Variants in BIRC6 observed in about 807,000 individuals in gnomAD.
BIRC6 encodes the protein dual E2 ubiquitin-conjugating enzyme/E3 ubiquitin-protein ligase BIRC6.
BIRC6 carries 98 observed loss-of-function variants against 503.3 expected under a neutral mutation model. The observed-to-expected ratio is 0.19, with a 90% CI of 0.17 to 0.23. BIRC6 has a LOEUF of 0.23. BIRC6 is among the 10% of genes least tolerant of loss of function. BIRC6 has a pLI of 1.00. For missense variants in BIRC6, 5,360 were observed against 5,806.0 expected (o/e 0.92, Z 2.50); for synonymous variants, 2,240 against 2,078.7 (o/e 1.08, Z -2.11).
intron 17 of BIRC6, 84 bp from the exon 18 acceptor site, chr2:32,441,981 A>T: frequency 9.9e-7 from 1 of 1,009,258 alleles, no homozygotes; most frequent in Non-Finnish European, 1.4e-6. Flanking sequence ...AATTAAAATT[A>T]AACATTGCCT....
chr2:32,362,316 T>TTG (rs1423934000), intron 1 of BIRC6, among the ~76,000 whole-genome samples: 9 of 151,536 alleles, frequency 5.9e-5, no homozygotes, highest in African/African-American at 1.9e-4. Context: ...TTTGCTGACT[T>TTG]TGTTTTTTTT....
intron 41 of BIRC6, 23 bp from the exon 42 acceptor site, chr2:32,488,565 T>C: frequency 1.3e-6 from 2 of 1,503,950 alleles, no homozygotes; most frequent in Non-Finnish European, 1.8e-6. Flanking sequence ...ATTTTTCTCC[T>C]GTTGATTTTC....
chr2:32,359,161 A>G (rs1396057030), intron 1 of BIRC6, among the ~76,000 whole-genome samples: 3 of 152,186 alleles, frequency 2.0e-5, no homozygotes, highest in Non-Finnish European at 4.4e-5. Context: ...TCCTTTTCAT[A>G]TATGTCTACA....
In BIRC6 at chr2:32,388,828, A is replaced by G; in HGVS notation, c.724A>G (p.Ile242Val). Residue 242 changes from isoleucine (I) to valine (V), a missense_variant, in exon 4 of 74, where the codon ATA (isoleucine) becomes GTA (valine). Ile to Val is a conservative substitution (Grantham distance 29, BLOSUM62 3). Coordinates refer to ENST00000421745, the MANE Select transcript of BIRC6 (RefSeq NM_016252.4). ...ASAIVNELKKINQNVAALPVA... is the reference protein window; with the variant it reads ...ASAIVNELKKVNQNVAALPVA... ...TGCCATTGTAAATGAACTCAAGAAAATAAATCAAAATGTTGCTGCCTTACC... is the reference window on the plus strand; with the variant it reads ...TGCCATTGTAAATGAACTCAAGAAAGTAAATCAAAATGTTGCTGCCTTACC... 1 of 1,613,490 alleles carries G rather than the reference A, an allele frequency of 6.2e-7. No homozygotes were observed. The highest frequency in any genetic ancestry group is 8.5e-7 in the Non-Finnish European group (1 of 1,179,626).
chr2:32,503,199 T>C lies in BIRC6; in HGVS notation c.9462T>C (p.Pro3154=). The change falls in exon 49 of 74, where the codon CCT becomes CCC. Residue 3154 remains proline, a synonymous_variant. Transcript: ENST00000421745. The part of the protein sequence containing the change: ...TLKTRILASE[P]DNAEGIHNFA... The stretch of plus-strand genomic sequence containing the variant: ...AAACAAGAATACTAGCTTCTGAGCC[T>C]GACAATGCTGAAGGGATTCATAACT... 1.2e-6 allele frequency: 2 copies of C among 1,612,276 alleles called. No homozygotes were observed. Among genetic ancestry groups the C allele is most frequent in the Admixed American group, 1.7e-5 (1 of 59,562 alleles).
intron 65 of BIRC6, among the ~76,000 whole-genome samples, chr2:32,568,051 G>C (rs2059650471): frequency 6.6e-6 from 1 of 152,200 alleles, no homozygotes; most frequent in African/African-American, 2.4e-5. Flanking sequence ...GGTGGAGCTT[G>C]CAGTGAGTCA....
intron 24 of BIRC6, among the ~76,000 whole-genome samples, chr2:32,463,646 T>A (rs1054734984): frequency 2.6e-5 from 4 of 152,190 alleles, no homozygotes; most frequent in African/African-American, 9.6e-5. Context: ...ACACACTCGA[T>A]CAAAGAATAT....
chr2:32,461,665 T>C (rs1332809777), intron 23 of BIRC6, among the ~76,000 whole-genome samples: 2 of 152,020 alleles, frequency 1.3e-5, no homozygotes, highest in African/African-American at 4.8e-5. Flanking sequence ...TATTGTTTAT[T>C]TTAGCTTATT....
intron 43 of BIRC6, among the ~76,000 whole-genome samples, chr2:32,490,529 T>A (rs1200963063): frequency 5.3e-5 from 8 of 152,186 alleles, no homozygotes; most frequent in Non-Finnish European, 8.8e-5. Context: ...AGTGAGACTC[T>A]GTCTCCAATA....
At chr2:32,390,353 G>T (rs1208479225) in intron 4 of BIRC6, among the ~76,000 whole-genome samples, 3 of 151,718 alleles carry the variant, frequency 2.0e-5, no homozygotes, top group Non-Finnish European at 2.9e-5. Context: ...TGTATTTTTA[G>T]TACAGGTGGG....
At chr2:32,387,223 G>A (rs2038591771) in intron 3 of BIRC6, among the ~76,000 whole-genome samples, 1 of 151,978 alleles carries the variant, frequency 6.6e-6, no homozygotes, top group Non-Finnish European at 1.5e-5. Flanking sequence ...CCTTTCTCAA[G>A]GGGAGTCATC....
rs2062682080 is a variant in BIRC6 at position 32,609,205 on chromosome 2, A to G, written c.14259+1562A>G. On this transcript the variant is annotated intron_variant, in intron 72 of 73. Coordinates refer to ENST00000421745, the MANE Select transcript of BIRC6 (RefSeq NM_016252.4). ...GGCCACGTTTCCTTTTCTTTAGGAAAAAAATTGGATGATATGAGTTTCCAA... is the reference window on the plus strand; with the variant it reads ...GGCCACGTTTCCTTTTCTTTAGGAAGAAAATTGGATGATATGAGTTTCCAA... 2.0e-5 allele frequency among the ~76,000 whole-genome samples: 3 copies of G among 152,038 alleles called. No homozygotes were observed. In the South Asian group the frequency reaches 6.2e-4, roughly 32 times the overall value.
Position 32,415,449 on chromosome 2 carries a change from T to C in BIRC6, c.2158T>C (p.Leu720=). Residue 720 remains leucine, a synonymous_variant, in exon 10 of 74, where the codon TTG becomes CTG. Coordinates refer to ENST00000421745, the MANE Select transcript of BIRC6 (RefSeq NM_016252.4). The part of the protein sequence containing the change: ...FPKPGTLVQC[L]RLPKFAEEEN... ...CAAGCCTGGGACTTTGGTTCAGTGC[T>C]TGAGGCTGCCAAAGTTTGCAGAGGA... The C allele has an allele frequency of 6.2e-7, 1 of 1,614,038 alleles. No homozygotes were observed. Among genetic ancestry groups the C allele is most frequent in the Non-Finnish European group, 8.5e-7 (1 of 1,179,904 alleles).
chr2:32,453,212 G>GT (rs1212256132), intron 22 of BIRC6, among the ~76,000 whole-genome samples: 4 of 152,040 alleles, frequency 2.6e-5, no homozygotes, highest in African/African-American at 9.7e-5. Flanking sequence ...TGGCTACATG[G>GT]TTTTTTCTTT....
intron 65 of BIRC6, among the ~76,000 whole-genome samples, chr2:32,569,070 A>G (rs1573072776): frequency 6.7e-6 from 1 of 149,918 alleles, no homozygotes; most frequent in Non-Finnish European, 1.5e-5. Context: ...GCTCACTGCA[A>G]CCTCTGCCTC....
At chr2:32,391,251 T>C (rs1024352419) in intron 4 of BIRC6, among the ~76,000 whole-genome samples, 5 of 152,218 alleles carry the variant, frequency 3.3e-5, no homozygotes, top group African/African-American at 1.2e-4. Flanking sequence ...TCCTAAAATA[T>C]TAATTTTGAT....
intron 1 of BIRC6, among the ~76,000 whole-genome samples, chr2:32,369,226 C>G (rs2035420755): frequency 6.6e-6 from 1 of 152,068 alleles, no homozygotes; most frequent in African/African-American, 2.4e-5. Flanking sequence ...AAAATGTAGG[C>G]TCTATAAGGA....
At chr2:32,483,099 G>A (rs914364436) in intron 39 of BIRC6, among the ~76,000 whole-genome samples, 6 of 1,348 alleles carry the variant, frequency 4.5e-3, no homozygotes, top group Admixed American at 0.031. Context: ...TGTATTTTTA[G>A]TAGAGACAGG....
rs758919928 is a variant in BIRC6 at position 32,500,606 on chromosome 2, G to GTTTTTTTT, written c.9031+507_9031+514dup. Among the ~76,000 whole-genome samples the GTTTTTTTT allele has an allele frequency of 1.3e-4, 15 of 118,286 alleles. 1 individual carries two copies. The highest frequency in any genetic ancestry group is 2.4e-4 in the East Asian group (1 of 4,098). 77.6% of individuals were successfully genotyped at this position (118,286 alleles called of 152,430 possible). Reference sequence around the variant, plus strand: ...CTGCTAGTTTTTTGTTTTTGTTTTTGTTTTTTTTTTTTTTTTTGAGATGAA... The same window carrying GTTTTTTTT: ...CTGCTAGTTTTTTGTTTTTGTTTTTGTTTTTTTTTTTTTTTTTTTTTTTTTGAGATGAA... On this transcript the variant is annotated intron_variant, in intron 46 of 73. Coordinates refer to ENST00000421745, the MANE Select transcript of BIRC6 (RefSeq NM_016252.4).
Sources: gnomAD v4.1 joint callset for allele counts (sites outside exome capture counted in the v4.1 genomes callset) on GRCh38, gnomAD v4.1.1 for gene constraint, MANE v1.5 for transcripts, NCBI Gene and HGNC (gene_info 2026-07-23, HGNC 2026-07-21) for gene names.